The following SUZ12 variants were observed in gnomAD, a reference collection of about 807,000 sequenced individuals.
SUZ12 encodes SUZ12 polycomb repressive complex 2 subunit.
In SUZ12, 17 loss-of-function variants were observed where a neutral mutation model predicts 87.3. That is an observed-to-expected ratio of 0.19 (90% confidence interval 0.13 to 0.29). SUZ12 has a LOEUF of 0.29. Among genes scored for constraint, SUZ12 ranks in the 10% least tolerant of loss-of-function variants. The pLI, the probability that SUZ12 is intolerant of heterozygous loss-of-function variation, is 1.00. For missense variants in SUZ12, 526 were observed against 912.2 expected (o/e 0.58, Z 5.45); for synonymous variants, 253 against 312.4 (o/e 0.81, Z 2.01).
chr17:31,945,737 A>G (rs1906594737), intron 3 of SUZ12, among the ~76,000 whole-genome samples: 1 of 152,204 alleles, frequency 6.6e-6, no homozygotes, highest in Non-Finnish European at 1.5e-5. Flanking sequence ...TCTATTTCAA[A>G]TGGTTAATCA....
At chr17:31,977,799 G>C (rs1908849902) in intron 8 of SUZ12, among the ~76,000 whole-genome samples, 1 of 152,074 alleles carries the variant, frequency 6.6e-6, no homozygotes, top group South Asian at 2.1e-4. Flanking sequence ...CGAGGCAGGG[G>C]AATCGCTTGA....
At chr17:31,964,913 C>T (rs868458333) in intron 4 of SUZ12, among the ~76,000 whole-genome samples, 2 of 151,858 alleles carry the variant, frequency 1.3e-5, no homozygotes, top group South Asian at 2.1e-4. Flanking sequence ...ACTCGGGAGG[C>T]GGAGGTTGTA....
In SUZ12 at chr17:31,999,198, A is replaced by G. The variant is rs930850260; in HGVS notation, c.*195A>G. 94 of 409,308 alleles carry G rather than the reference A, an allele frequency of 2.3e-4. 1 individual carries two copies. Among genetic ancestry groups the G allele is most frequent in the Non-Finnish European group, 3.9e-5 (9 of 232,078 alleles). 25.4% of individuals were successfully genotyped at this position (409,308 alleles called of 1,614,324 possible). A position where few individuals can be genotyped will look rare whatever the true frequency, so the allele number is the denominator to read the frequency against. On this transcript the variant is annotated 3_prime_UTR_variant, in exon 16 of 16. Transcript: ENST00000322652. The stretch of plus-strand genomic sequence containing the variant: ...GCAGCATTACATGTATATCACTTTT[A>G]TTGATGTCATTAAAACATTCTGTAC...
chr17:31,970,833 G>A (rs1469310069), intron 5 of SUZ12, among the ~76,000 whole-genome samples: 1 of 151,898 alleles, frequency 6.6e-6, no homozygotes, highest in East Asian at 1.9e-4. Flanking sequence ...AAAATGTGTT[G>A]CCCAGTGCCT....
At chr17:31,945,142 AATT>A (rs1906557462) in intron 3 of SUZ12, among the ~76,000 whole-genome samples, 1 of 151,838 alleles carries the variant, frequency 6.6e-6, no homozygotes, top group East Asian at 1.9e-4. Context: ...TATTAGGACT[AATT>A]ATTAAGAAAT....
In SUZ12 at chr17:31,998,676, A is replaced by G. The variant is rs1302132434; in HGVS notation, c.1893A>G (p.Gln631=). Residue 631 remains glutamine, a synonymous_variant, in exon 16 of 16, where the codon CAA becomes CAG. Coordinates refer to ENST00000322652, the MANE Select transcript of SUZ12 (RefSeq NM_015355.4). ...VMKHGFIADN[Q]MNHACMLFVE... ...TAAATAGGTTTATTGCTGACAATCA[A>G]ATGAATCATGCCTGTATGCTGTTTG... 1.3e-6 allele frequency: 2 copies of G among 1,555,214 alleles called. No individual in the cohort carries two copies. Among genetic ancestry groups the G allele is most frequent in the African/African-American group, 1.4e-5 (1 of 72,438 alleles).
chr17:31,955,072 G>C (rs753578454), intron 4 of SUZ12, among the ~76,000 whole-genome samples: 1 of 152,064 alleles, frequency 6.6e-6, no homozygotes, highest in African/African-American at 2.4e-5. Context: ...CTGCATCCTC[G>C]AACTTCCAGG....
At chr17:31,991,302 C>T (rs908082331) in intron 10 of SUZ12, among the ~76,000 whole-genome samples, 1 of 151,698 alleles carries the variant, frequency 6.6e-6, no homozygotes, top group Non-Finnish European at 1.5e-5. Context: ...GCTTGAAGCC[C>T]AGGAGTTCAA....
intron 3 of SUZ12, among the ~76,000 whole-genome samples, chr17:31,944,754 T>C (rs1489812826): frequency 1.3e-5 from 2 of 152,148 alleles, no homozygotes; most frequent in Admixed American, 6.5e-5. Context: ...TTGTGTAACA[T>C]TTAGTACTTA....
intron 4 of SUZ12, among the ~76,000 whole-genome samples, chr17:31,952,110 C>A (rs1907022832): frequency 6.6e-6 from 1 of 152,166 alleles, no homozygotes; most frequent in Non-Finnish European, 1.5e-5. Context: ...CTCTGTTGCC[C>A]AGGCTGGAGC....
chr17:31,973,496 A>G (rs1307775891), intron 6 of SUZ12, among the ~76,000 whole-genome samples: 2 of 152,210 alleles, frequency 1.3e-5, no homozygotes, highest in South Asian at 4.1e-4. Context: ...TCTGGCATAA[A>G]TTCAGTTGCT....
intron 3 of SUZ12, among the ~76,000 whole-genome samples, chr17:31,940,904 C>G (rs1469428164): frequency 1.3e-5 from 2 of 150,904 alleles, no homozygotes; most frequent in East Asian, 3.9e-4. Context: ...CAGTTACTTG[C>G]GAGGCTGAGG....
chr17:31,990,971 T>A (rs1360076944), intron 10 of SUZ12, among the ~76,000 whole-genome samples: 2 of 152,062 alleles, frequency 1.3e-5, no homozygotes, highest in African/African-American at 2.4e-5. Flanking sequence ...GGTCTCAAAC[T>A]CCTGAGCTCA....
At position 31,998,814 on chromosome 17, in the gene SUZ12, T is replaced by G. The variant is rs770098755; in HGVS notation, c.2031T>G (p.Ala677=). ...NLISIMSIDK[A]VTKLREMQQK... is the part of the protein sequence containing the mutation. ...TTAGCATAATGTCAATAGATAAAGC[T>G]GTTACCAAGCTCCGTGAAATGCAGC... is the stretch of plus-strand genomic sequence containing the variant. The change falls in exon 16 of 16, where the codon GCT becomes GCG. Residue 677 remains alanine, a synonymous_variant. Coordinates refer to ENST00000322652, the MANE Select transcript of SUZ12 (RefSeq NM_015355.4). 6.2e-7 allele frequency: 1 copy of G among 1,613,618 alleles called. No individual in the cohort carries two copies. The highest frequency in any genetic ancestry group is 8.5e-7 in the Non-Finnish European group (1 of 1,179,882).
At chr17:31,982,291 G>T in intron 8 of SUZ12, among the ~76,000 whole-genome samples, 1 of 152,080 alleles carries the variant, frequency 6.6e-6, no homozygotes, top group Non-Finnish European at 1.5e-5. Flanking sequence ...AACAATTACA[G>T]TAGTTAAAGG....
intron 3 of SUZ12, among the ~76,000 whole-genome samples, chr17:31,943,819 T>A (rs948088995): frequency 6.6e-6 from 1 of 151,944 alleles, no homozygotes; most frequent in South Asian, 2.1e-4. Context: ...TGCCTCAGCC[T>A]CCTGAGTAGC....
chr17:31,952,532 T>C (rs534539617), intron 4 of SUZ12, among the ~76,000 whole-genome samples: 26 of 152,336 alleles, frequency 1.7e-4, no homozygotes, highest in African/African-American at 6.0e-4. Flanking sequence ...GGGATTCTTA[T>C]GCTGTCCTAC....
At chr17:31,972,608 G>C (rs1339171710) in intron 5 of SUZ12, among the ~76,000 whole-genome samples, 2 of 152,156 alleles carry the variant, frequency 1.3e-5, no homozygotes, top group Non-Finnish European at 2.9e-5. Flanking sequence ...TAGAGACGAG[G>C]TTTCTGTGTT....
At chr17:31,938,010 C>T (rs545469452) in intron 1 of SUZ12, among the ~76,000 whole-genome samples, 5 of 138,836 alleles carry the variant, frequency 3.6e-5, no homozygotes, top group African/African-American at 1.3e-4. Flanking sequence ...CTGCAGGTTC[C>T]TATGGCACCT....
Sources: gnomAD v4.1 joint callset for allele counts (sites outside exome capture counted in the v4.1 genomes callset) on GRCh38, gnomAD v4.1.1 for gene constraint, MANE v1.5 for transcripts, NCBI Gene and HGNC (gene_info 2026-07-23, HGNC 2026-07-21) for gene names.